Variants in RERGL observed in about 807,000 individuals in gnomAD.
The protein encoded by RERGL is RERG like.
A neutral mutation model predicts 24.7 loss-of-function variants in RERGL; 22 were observed. The ratio of observed to expected loss-of-function variants is 0.89; its 90% CI spans 0.64 to 1.27. The LOEUF is 1.27. RERGL is among the 50% of genes most tolerant of loss of function. The pLI, the probability that RERGL is intolerant of heterozygous loss-of-function variation, is 0.00. For missense variants in RERGL, 259 were observed against 235.3 expected (o/e 1.10, Z -0.66); for synonymous variants, 76 against 82.6 (o/e 0.92, Z 0.43).
chr12:18,083,785 G>C (rs2136827783), intron 4 of RERGL, among the ~76,000 whole-genome samples: 1 of 152,144 alleles, frequency 6.6e-6, no homozygotes, highest in Admixed American at 6.5e-5. Flanking sequence ...TAGATTCTAA[G>C]GGCAAAACTG....
intron 4 of RERGL, among the ~76,000 whole-genome samples, chr12:18,082,143 C>CGA (rs1555117854): frequency 8.3e-6 from 1 of 121,072 alleles, no homozygotes; most frequent in Non-Finnish European, 1.8e-5. Flanking sequence ...TTGTCTCAAC[C>CGA]AAAAAAAAAA....
Position 18,081,230 on chromosome 12 carries a change from C to A in RERGL, c.576G>T (p.Leu192Phe). 6.2e-7 allele frequency: 1 copy of A among 1,608,250 alleles called. No homozygotes were observed. Among genetic ancestry groups the A allele is most frequent in the Non-Finnish European group, 8.5e-7 (1 of 1,177,860 alleles). The change falls in exon 5 of 5, where the codon TTG becomes TTT. Residue 192 changes from leucine to phenylalanine, a missense_variant. By Grantham distance (22) the Leu-to-Phe change is conservative. Coordinates refer to ENST00000538724, the MANE Select transcript of RERGL (RefSeq NM_001286201.2). ...RPSGSKSMAK[L>F]INNVFGKRRK... ...TTCTCTTTCCAAATACATTATTGAT[C>A]AATTTGGCCATTGATTTAGATCCAC...
Position 18,081,177 on chromosome 12 carries a change from G to A in RERGL, c.*14C>T. On this transcript the variant is annotated 3_prime_UTR_variant, in exon 5 of 5. Transcript: ENST00000538724. ...ACTCTCTGATATAGGAAATCTCCCA[G>A]GATTACCTGTCTACTAAACAGATTT... 1 of 1,581,918 alleles carries A rather than the reference G, an allele frequency of 6.3e-7. No homozygotes were observed. The highest frequency in any genetic ancestry group is 1.7e-4 in the Middle Eastern group (1 of 5,926).
At chr12:18,089,385 C>A in intron 1 of RERGL, 1 of 1,363,630 alleles carries the variant, frequency 7.3e-7, no homozygotes. Context: ...GATGTAGGGA[C>A]CTACAAATCC....
At chr12:18,082,881 T>C (rs1426138630) in intron 4 of RERGL, among the ~76,000 whole-genome samples, 1 of 152,172 alleles carries the variant, frequency 6.6e-6, no homozygotes, top group Non-Finnish European at 1.5e-5. Context: ...AAAATATCAG[T>C]ATGTCTTCCT....
Position 18,081,165 on chromosome 12 carries a change from G to C in RERGL, c.*26C>G, listed in dbSNP as rs1742185665. Reference sequence around the variant, plus strand: ...TGAATGTTTGAAACTCTCTGATATAGGAAATCTCCCAGGATTACCTGTCTA... The same window carrying C: ...TGAATGTTTGAAACTCTCTGATATACGAAATCTCCCAGGATTACCTGTCTA... On this transcript the variant is annotated 3_prime_UTR_variant, in exon 5 of 5. Transcript: ENST00000538724. 2 of 1,564,368 alleles carry C rather than the reference G, an allele frequency of 1.3e-6. No homozygotes were observed. Among genetic ancestry groups the C allele is most frequent in the African/African-American group, 1.4e-5 (1 of 73,438 alleles).
chr12:18,083,256 A>C (rs1947189935), intron 4 of RERGL, among the ~76,000 whole-genome samples: 1 of 152,144 alleles, frequency 6.6e-6, no homozygotes, highest in African/African-American at 2.4e-5. Flanking sequence ...ACAGATTGAG[A>C]GCTGGGAATA....
chr12:18,086,179 T>C (rs978913753), intron 2 of RERGL, among the ~76,000 whole-genome samples: 2 of 152,000 alleles, frequency 1.3e-5, no homozygotes, highest in East Asian at 3.9e-4. Flanking sequence ...AGCCAATATG[T>C]TTCTTACAAA....
Position 18,081,457 on chromosome 12 carries a change from C to G in RERGL, c.349G>C (p.Val117Leu), listed in dbSNP as rs149547814. The G allele has an allele frequency of 1.9e-6, 3 of 1,608,922 alleles. No individual in the cohort carries two copies. The South Asian group carries it at 3.3e-5, about 18-fold the overall frequency. ...TCTCGTTTGTTGCCAACCAAAAACA[C>G]TGCTGATTCCACAGCTCTGAAATAG... ...SHCKRAVESA[V>L]FLVGNKRDLC... is the part of the protein sequence containing the mutation. The change falls in exon 5 of 5, where the codon GTG becomes CTG. Residue 117 changes from valine (V) to leucine (L), a missense_variant. Coordinates refer to ENST00000538724, the MANE Select transcript of RERGL (RefSeq NM_001286201.2).
intron 4 of RERGL, among the ~76,000 whole-genome samples, chr12:18,082,406 T>C (rs141050230): frequency 1.2e-4 from 18 of 152,202 alleles, no homozygotes; most frequent in African/African-American, 4.3e-4. Flanking sequence ...ACCTGGGTGA[T>C]GAAATAATCT....
In RERGL at chr12:18,090,170, T is replaced by C; in HGVS notation, c.-30A>G. 3 of 1,523,320 alleles carry C rather than the reference T, an allele frequency of 2.0e-6. No individual in the cohort carries two copies. Among genetic ancestry groups the C allele is most frequent in the Non-Finnish European group, 2.6e-6 (3 of 1,141,694 alleles). 94.4% of individuals were successfully genotyped at this position (1,523,320 alleles called of 1,614,324 possible). A position where few individuals can be genotyped will look rare whatever the true frequency, so the allele number is the denominator to read the frequency against. ...CTTTTCTGCTTCTTGGTCAGTCCTA[T>C]TTTCTGGAACTACACTGCCCTGTGA... On this transcript the variant is annotated 5_prime_UTR_variant, in exon 1 of 5. Coordinates refer to ENST00000538724, the MANE Select transcript of RERGL (RefSeq NM_001286201.2).
intron 3 of RERGL, 43 bp downstream of exon 3, chr12:18,085,577 A>G (rs1295323927): frequency 3.1e-6 from 4 of 1,270,162 alleles, no homozygotes; most frequent in East Asian, 4.8e-5. Flanking sequence ...TAAAAAATCA[A>G]TCAATAAATA....
chr12:18,083,557 A>G (rs1947192228), intron 4 of RERGL, among the ~76,000 whole-genome samples: 1 of 152,156 alleles, frequency 6.6e-6, no homozygotes, highest in Non-Finnish European at 1.5e-5. Context: ...CACCAGTTAA[A>G]TAATTAGAAA....
At chr12:18,087,039 T>A (rs1199429892) in intron 2 of RERGL, among the ~76,000 whole-genome samples, 1 of 152,250 alleles carries the variant, frequency 6.6e-6, no homozygotes, top group Non-Finnish European at 1.5e-5. Context: ...CTTTTTAGTC[T>A]ACCTTCAAAA....
intron 1 of RERGL, chr12:18,089,416 C>T (rs1275348548): frequency 7.5e-6 from 10 of 1,326,364 alleles, no homozygotes; most frequent in Non-Finnish European, 9.6e-6. Context: ...AAAAGAACCT[C>T]TGGTATCCAT....
rs1947213502 is a variant in RERGL, at chr12:18,085,773, T to C, written c.110-80A>G. On this transcript the variant is annotated intron_variant, in intron 2 of 4. Coordinates refer to ENST00000538724, the MANE Select transcript of RERGL (RefSeq NM_001286201.2). ...ATAAATTCAACCACTCACATTTTAG[T>C]GGAATCGTATTGTGCTCTTTTTATA... 4 of 763,704 alleles carry C rather than the reference T, an allele frequency of 5.2e-6. No homozygotes were observed. The Admixed American group carries it at 7.0e-5, about 13-fold the overall frequency. The allele number at this position is 763,704 out of a possible 1,614,324, so 47.3% of individuals were successfully genotyped here.
rs562457289 is a variant in RERGL at position 18,089,037 on chromosome 12, C to T, written c.53-81G>A. The T allele has an allele frequency of 5.3e-5, 66 of 1,252,554 alleles. 2 individuals carry two copies. In the South Asian group the frequency reaches 8.3e-4, roughly 16 times the overall value. The allele number at this position is 1,252,554 out of a possible 1,614,324, so 77.6% of individuals were successfully genotyped here. A position where few individuals can be genotyped will look rare whatever the true frequency, so the allele number is the denominator to read the frequency against. ...TGGTTATGTGCATAAGGCTTTAGTT[C>T]TTAAACCAAAAATATTCAAGAATTA... On this transcript the variant is annotated intron_variant, in intron 1 of 4. Transcript: ENST00000538724.
At chr12:18,089,050 T>C in intron 1 of RERGL, 94 bp from the exon 2 acceptor site, 1 of 1,192,844 alleles carries the variant, frequency 8.4e-7, no homozygotes, top group Non-Finnish European at 1.2e-6. Context: ...AAACCAAAAA[T>C]ATTCAAGAAT....
Position 18,081,526 on chromosome 12 carries a change from TTA to T in RERGL, c.333-55_333-54del, listed in dbSNP as rs1491475791. ...AAGATTGTTTTAACAACTCTTTTTT[TTA>T]AAAAAAAAAAAAAAACAGATTTATA... On this transcript the variant is annotated intron_variant, in intron 4 of 4. Coordinates refer to ENST00000538724, the MANE Select transcript of RERGL (RefSeq NM_001286201.2). The T allele has an allele frequency of 5.3e-3, 5,369 of 1,005,178 alleles. 27 individuals are homozygous for T. The highest frequency in any genetic ancestry group is 7.1e-3 in the African/African-American group (367 of 51,952). The allele number at this position is 1,005,178 out of a possible 1,614,324, so 62.3% of individuals were successfully genotyped here.
Sources: gnomAD v4.1 joint callset for allele counts (sites outside exome capture counted in the v4.1 genomes callset) on GRCh38, gnomAD v4.1.1 for gene constraint, MANE v1.5 for transcripts, NCBI Gene and HGNC (gene_info 2026-07-23, HGNC 2026-07-21) for gene names.